The following NALCN variants were observed in gnomAD, a reference collection of about 807,000 sequenced individuals.
NALCN encodes sodium leak channel, non-selective.
NALCN carries 111 observed loss-of-function variants against 225.3 expected under a neutral mutation model. That is an observed-to-expected ratio of 0.49 (90% CI 0.42 to 0.58). The LOEUF is 0.58. Ranked by LOEUF, NALCN falls within the 20% of genes least tolerant of loss-of-function variation. The pLI, the probability that NALCN is intolerant of heterozygous loss-of-function variation, is 0.00. For missense variants in NALCN, 1,378 were observed against 2,202.4 expected (o/e 0.63, Z 7.49); for synonymous variants, 764 against 769.0 (o/e 0.99, Z 0.11).
chr13:101,230,249 C>G (rs1256470672), intron 12 of NALCN, among the ~76,000 whole-genome samples: 1 of 152,164 alleles, frequency 6.6e-6, no homozygotes, highest in Non-Finnish European at 1.5e-5. Flanking sequence ...GATACTCAAC[C>G]TGTATTAGTT....
At chr13:101,061,715 T>C (rs994397273) in intron 41 of NALCN, among the ~76,000 whole-genome samples, 6 of 152,114 alleles carry the variant, frequency 3.9e-5, no homozygotes, top group African/African-American at 7.2e-5. Context: ...TCATGTCATA[T>C]TATAAAAATG....
At chr13:101,228,482 C>G (rs368154903) in intron 13 of NALCN, among the ~76,000 whole-genome samples, 1 of 152,086 alleles carries the variant, frequency 6.6e-6, no homozygotes, top group African/African-American at 2.4e-5. Flanking sequence ...CGGTTTCCCC[C>G]CTGCTGCTCT....
intron 9 of NALCN, among the ~76,000 whole-genome samples, chr13:101,290,326 C>A (rs1320111267): frequency 3.3e-5 from 5 of 152,170 alleles, no homozygotes; most frequent in Non-Finnish European, 7.3e-5. Context: ...AGGAACACTG[C>A]ATGTGAGTTA....
rs11400612 is a variant in NALCN at position 101,232,450 on chromosome 13, C to CTT, written c.1435-2868_1435-2867dup. ...TTTCCTGCTGTAATTCTTTTCTTTT[C>CTT]TTTTTTTTTTTTTGTGACGGAGTCT... On this transcript the variant is annotated intron_variant, in intron 12 of 43. Coordinates refer to ENST00000251127, the MANE Select transcript of NALCN (RefSeq NM_052867.4). Among the ~76,000 whole-genome samples, 156 of 142,654 alleles carry CTT rather than the reference C, an allele frequency of 1.1e-3. 1 individual carries two copies. The highest frequency in any genetic ancestry group is 3.7e-3 in the Middle Eastern group (1 of 268). 93.6% of individuals were successfully genotyped at this position (142,654 alleles called of 152,430 possible). A position where few individuals can be genotyped will look rare whatever the true frequency, so the allele number is the denominator to read the frequency against.
intron 7 of NALCN, among the ~76,000 whole-genome samples, chr13:101,322,828 T>A (rs2044798348): frequency 6.6e-6 from 1 of 152,060 alleles, no homozygotes; most frequent in Non-Finnish European, 1.5e-5. Context: ...TTCTCCTACC[T>A]CAGCCTCCCA....
intron 6 of NALCN, among the ~76,000 whole-genome samples, chr13:101,349,213 CT>C (rs957941449): frequency 3.9e-5 from 6 of 152,140 alleles, no homozygotes; most frequent in African/African-American, 1.4e-4. Flanking sequence ...CCTCTTTTAA[CT>C]TTTTAGCCCA....
chr13:101,311,913 T>G (rs1282490588), intron 7 of NALCN, among the ~76,000 whole-genome samples: 5 of 152,208 alleles, frequency 3.3e-5, no homozygotes, highest in African/African-American at 1.2e-4. Flanking sequence ...TTCTATTGAT[T>G]GGAATAGTTT....
intron 10 of NALCN, among the ~76,000 whole-genome samples, chr13:101,283,200 T>G (rs2043225161): frequency 6.6e-6 from 1 of 152,134 alleles, no homozygotes; most frequent in Non-Finnish European, 1.5e-5. Context: ...GTGCTGCTCT[T>G]GGTAAGGTGA....
chr13:101,080,826 A>G (rs547870449), intron 34 of NALCN, among the ~76,000 whole-genome samples: 1 of 151,326 alleles, frequency 6.6e-6, no homozygotes, highest in African/African-American at 2.4e-5. Flanking sequence ...CTACTTTTTT[A>G]TTGTGGCTTC....
chr13:101,063,017 C>G (rs2032085803), intron 40 of NALCN, among the ~76,000 whole-genome samples: 1 of 152,242 alleles, frequency 6.6e-6, no homozygotes, highest in African/African-American at 2.4e-5. Flanking sequence ...CACAGCATTA[C>G]AGTTCATGGG....
At chr13:101,181,686 G>A (rs1219961919) in intron 14 of NALCN, among the ~76,000 whole-genome samples, 2 of 152,092 alleles carry the variant, frequency 1.3e-5, no homozygotes, top group African/African-American at 2.4e-5. Context: ...AGGCTGCAGT[G>A]AGCTGTGAAT....
chr13:101,219,878 C>T (rs922460777), intron 13 of NALCN, among the ~76,000 whole-genome samples: 5 of 152,140 alleles, frequency 3.3e-5, no homozygotes, highest in African/African-American at 1.2e-4. Flanking sequence ...GCAAGCTCTC[C>T]AAGCTTCAAA....
rs952651519 is a variant in NALCN at position 101,247,222 on chromosome 13, G to T, written c.1267-9300C>A. Among the ~76,000 whole-genome samples the T allele has an allele frequency of 4.6e-5, 7 of 152,176 alleles. 1 individual carries two copies. Among genetic ancestry groups the T allele is most frequent in the Non-Finnish European group, 1.0e-4 (7 of 68,028 alleles). On this transcript the variant is annotated intron_variant, in intron 11 of 43. Transcript: ENST00000251127. ...ACAGAGACCAACTACCCAAGGCTAAGACCTTATAGGCAGCTGCAGGCCTCC... is the reference window on the plus strand; with the variant it reads ...ACAGAGACCAACTACCCAAGGCTAATACCTTATAGGCAGCTGCAGGCCTCC...
At chr13:101,250,129 A>G (rs1298816116) in intron 11 of NALCN, among the ~76,000 whole-genome samples, 2 of 152,128 alleles carry the variant, frequency 1.3e-5, no homozygotes, top group Admixed American at 1.3e-4. Flanking sequence ...AAACTGTAGG[A>G]TATGTAGGCA....
chr13:101,411,662 G>GACTGTGCAT (rs1295605632), intron 1 of NALCN, among the ~76,000 whole-genome samples: 1 of 152,110 alleles, frequency 6.6e-6, no homozygotes, highest in African/African-American at 2.4e-5. Flanking sequence ...TTATGCTTTT[G>GACTGTGCAT]ACTGTGCATA....
At chr13:101,124,510 C>A in intron 18 of NALCN, 98 bp downstream of exon 18, 1 of 1,025,776 alleles carries the variant, frequency 9.7e-7, no homozygotes, top group Non-Finnish European at 1.5e-6. Flanking sequence ...AAAGTATATG[C>A]TGATGCCCAG....
At chr13:101,328,118 A>G (rs535401961) in intron 7 of NALCN, among the ~76,000 whole-genome samples, 7 of 152,318 alleles carry the variant, frequency 4.6e-5, no homozygotes, top group South Asian at 2.1e-4. Context: ...CAGCTACAGC[A>G]TTGCTTTAAG....
rs1008741740 is a variant in NALCN at position 101,412,645 on chromosome 13, A to G, written c.-40+3668T>C. ...GGTCTCTCTTCCGTATTTTTTGTAC[A>G]CTGATCTTAGAAAGGAAATTGTGAA... On this transcript the variant is annotated intron_variant, in intron 1 of 43. Transcript: ENST00000251127. Among the ~76,000 whole-genome samples, 4 of 152,328 alleles carry G rather than the reference A, an allele frequency of 2.6e-5. No homozygotes were observed. In the South Asian group the frequency reaches 8.3e-4, roughly 32 times the overall value.
At chr13:101,230,510 C>CT (rs2041302428) in intron 12 of NALCN, among the ~76,000 whole-genome samples, 1 of 152,196 alleles carries the variant, frequency 6.6e-6, no homozygotes, top group Middle Eastern at 3.2e-3. Context: ...GGGTTCAGAC[C>CT]TACGGAATGT....
Sources: gnomAD v4.1 joint callset for allele counts (sites outside exome capture counted in the v4.1 genomes callset) on GRCh38, gnomAD v4.1.1 for gene constraint, MANE v1.5 for transcripts, NCBI Gene and HGNC (gene_info 2026-07-23, HGNC 2026-07-21) for gene names.